WDFY4: variants seen among roughly 807,000 people sequenced by gnomAD.
The protein encoded by WDFY4 is WD repeat- and FYVE domain-containing protein 4.
A neutral mutation model predicts 351.9 loss-of-function variants in WDFY4; 169 were observed. The ratio of observed to expected loss-of-function variants is 0.48; its 90% CI spans 0.42 to 0.55. The LOEUF (loss-of-function observed/expected upper bound fraction) is 0.55, where lower values mean the gene tolerates loss of function less well. WDFY4 is among the 20% of genes least tolerant of loss of function. The pLI is 0.00. For missense variants in WDFY4, 3,803 were observed against 3,935.6 expected (o/e 0.97, Z 0.90); for synonymous variants, 1,622 against 1,574.6 (o/e 1.03, Z -0.71).
chr10:48,778,905 A>G lies in WDFY4; in HGVS notation c.3397+73A>G, dbSNP rs2132646586. The G allele has an allele frequency of 2.0e-6, 3 of 1,494,762 alleles. No homozygotes were observed. In the East Asian group the frequency reaches 7.4e-5, roughly 37 times the overall value. The allele number at this position is 1,494,762 out of a possible 1,614,324, so 92.6% of individuals were successfully genotyped here. On this transcript the variant is annotated intron_variant, in intron 18 of 61. Transcript: ENST00000325239. ...TGGGGCTAAGTCAGAAGCTCTCAAC[A>G]CAGGTGTGGTTAGAAACCTGGTGAC...
chr10:48,703,210 T>C (rs2063528671), intron 1 of WDFY4, among the ~76,000 whole-genome samples: 1 of 152,210 alleles, frequency 6.6e-6, no homozygotes, highest in African/African-American at 2.4e-5. Context: ...GCGCTCTAGA[T>C]TGAGGCCAAG....
intron 40 of WDFY4, among the ~76,000 whole-genome samples, chr10:48,872,365 C>T (rs1056862013): frequency 2.0e-5 from 3 of 152,192 alleles, no homozygotes; most frequent in Non-Finnish European, 4.4e-5. Flanking sequence ...GTTTGGCCAC[C>T]TGTTGGCTTT....
intron 53 of WDFY4, among the ~76,000 whole-genome samples, chr10:48,961,579 G>A (rs1841861971): frequency 1.3e-5 from 2 of 152,184 alleles, no homozygotes; most frequent in African/African-American, 4.8e-5. Context: ...TTAAGGTGTG[G>A]CCATGGGAAT....
At chr10:48,894,854 G>T (rs1159944717) in intron 44 of WDFY4, among the ~76,000 whole-genome samples, 5 of 152,222 alleles carry the variant, frequency 3.3e-5, no homozygotes, top group Admixed American at 6.5e-5. Context: ...AAGGAGAATT[G>T]TCTCTGTGGC....
chr10:48,802,781 A>G (rs547894983), intron 24 of WDFY4: 1 of 471,904 alleles, frequency 2.1e-6, no homozygotes, highest in South Asian at 1.5e-5. Flanking sequence ...TGCCTGCGCA[A>G]ATTGGGTATG....
intron 46 of WDFY4, among the ~76,000 whole-genome samples, chr10:48,901,491 CA>C (rs1228519932): frequency 6.6e-6 from 1 of 152,244 alleles, no homozygotes; most frequent in Non-Finnish European, 1.5e-5. Context: ...CTGGAATGTA[CA>C]GCAGGATTGT....
intron 39 of WDFY4, among the ~76,000 whole-genome samples, chr10:48,860,911 T>A (rs2069316936): frequency 6.6e-6 from 1 of 152,200 alleles, no homozygotes; most frequent in South Asian, 2.1e-4. Context: ...TTATTTTAAT[T>A]TTTTGGATTT....
In WDFY4 at chr10:48,981,368, C is replaced by A. The variant is rs1842798534; in HGVS notation, c.9378C>A (p.Gly3126=). The A allele has an allele frequency of 5.2e-6, 8 of 1,551,728 alleles. No individual in the cohort carries two copies. Among genetic ancestry groups the A allele is most frequent in the Non-Finnish European group, 7.0e-6 (8 of 1,146,974 alleles). The change falls in exon 61 of 62, where the codon GGC becomes GGA. Residue 3126 remains glycine (G), a splice_region_variant and synonymous_variant. Transcript: ENST00000325239. ...TCTTCTCTCACATGCTCCACACAGG[C>A]CACAAGTGGGAGAAGAACCTGGCCT... ...EPPAQPPSPR[G]HKWEKNLALS...
At chr10:48,963,275 G>A (rs540181530) in intron 53 of WDFY4, among the ~76,000 whole-genome samples, 41 of 152,322 alleles carry the variant, frequency 2.7e-4, no homozygotes, top group Middle Eastern at 6.8e-3. Context: ...TGTGTCAGCC[G>A]TGGACACAAC....
chr10:48,836,657 G>A (rs1416375272), intron 39 of WDFY4, among the ~76,000 whole-genome samples: 1 of 152,192 alleles, frequency 6.6e-6, no homozygotes, highest in Non-Finnish European at 1.5e-5. Flanking sequence ...AGGCAGGGCT[G>A]ATTTGATAGA....
At chr10:48,872,266 A>G (rs1904596) in intron 40 of WDFY4, among the ~76,000 whole-genome samples, 105,978 of 152,198 alleles carry the variant, frequency 0.7, 38,695 homozygotes, top group African/African-American at 0.92. Flanking sequence ...GATATCATGC[A>G]CTCATAAAAT....
At chr10:48,887,497 G>A (rs1441176498) in intron 43 of WDFY4, among the ~76,000 whole-genome samples, 2 of 152,208 alleles carry the variant, frequency 1.3e-5, no homozygotes, top group African/African-American at 4.8e-5. Context: ...TTATGCTTCA[G>A]GCCAGGCGCG....
chr10:48,867,720 T>A (rs2069601280), intron 40 of WDFY4, among the ~76,000 whole-genome samples: 2 of 152,218 alleles, frequency 1.3e-5, no homozygotes, highest in African/African-American at 4.8e-5. Flanking sequence ...GCACCCAGAC[T>A]GTGGCTGATA....
intron 1 of WDFY4, among the ~76,000 whole-genome samples, chr10:48,698,786 T>C (rs2063399775): frequency 6.6e-6 from 1 of 152,170 alleles, no homozygotes; most frequent in Non-Finnish European, 1.5e-5. Flanking sequence ...CCATGCTGTA[T>C]CCGCCGAGGC....
intron 1 of WDFY4, among the ~76,000 whole-genome samples, chr10:48,708,522 G>A (rs1022293865): frequency 6.6e-6 from 1 of 152,166 alleles, no homozygotes; most frequent in Admixed American, 6.5e-5. Context: ...TTTTATTCAG[G>A]GATCCTGAAC....
At chr10:48,933,644 T>C (rs890532494) in intron 47 of WDFY4, among the ~76,000 whole-genome samples, 2 of 152,138 alleles carry the variant, frequency 1.3e-5, no homozygotes, top group Admixed American at 6.5e-5. Flanking sequence ...TTAGACCCAG[T>C]TCTAGGGGCT....
intron 44 of WDFY4, among the ~76,000 whole-genome samples, chr10:48,893,565 T>C (rs1836920000): frequency 6.6e-6 from 1 of 152,224 alleles, no homozygotes; most frequent in Admixed American, 6.5e-5. Flanking sequence ...GTTCAACAAA[T>C]ATTTATTGAA....
chr10:48,721,428 C>A, intron 4 of WDFY4, 61 bp downstream of exon 4: 16 of 1,473,304 alleles, frequency 1.1e-5, no homozygotes, highest in East Asian at 2.5e-5. Context: ...AGAGGGAGGT[C>A]CAGCACAGGG....
At chr10:48,980,963 C>T (rs1842781175) in intron 60 of WDFY4, among the ~76,000 whole-genome samples, 1 of 152,182 alleles carries the variant, frequency 6.6e-6, no homozygotes, top group African/African-American at 2.4e-5. Context: ...ATAATGCCGA[C>T]TTTATGTAAT....
Sources: allele counts gnomAD v4.1 joint callset (sites outside exome capture counted in the v4.1 genomes callset), GRCh38; gene constraint gnomAD v4.1.1; transcripts MANE v1.5; gene names NCBI Gene and HGNC (gene_info 2026-07-23, HGNC 2026-07-21).